ATRNL1: variants seen among roughly 807,000 people sequenced by gnomAD.
The protein encoded by ATRNL1 is attractin-like protein 1.
ATRNL1 carries 95 observed loss-of-function variants against 182.7 expected under a neutral mutation model. That is an observed-to-expected ratio of 0.52 (90% CI 0.44 to 0.62). The LOEUF (loss-of-function observed/expected upper bound fraction) is 0.62. Among genes scored for constraint, ATRNL1 ranks in the 20% least tolerant of loss-of-function variants. The pLI, the probability that ATRNL1 is intolerant of heterozygous loss-of-function variation, is 0.00. For synonymous variants in ATRNL1, 576 were observed against 568.3 expected, an observed-to-expected ratio of 1.01 and a Z score of -0.19; for missense variants, 1,471 against 1,679.5, an observed-to-expected ratio of 0.88 and a Z score of 2.17.
At chr10:115,467,723 A>G (rs1848120097) in intron 23 of ATRNL1, among the ~76,000 whole-genome samples, 1 of 150,768 alleles carries the variant, frequency 6.6e-6, no homozygotes, top group Admixed American at 6.6e-5. Context: ...CAGTGCTCAG[A>G]GGAGTTAAAA....
At chr10:115,848,681 A>G (rs891682246) in intron 28 of ATRNL1, among the ~76,000 whole-genome samples, 1 of 152,186 alleles carries the variant, frequency 6.6e-6, no homozygotes, top group African/African-American at 2.4e-5. Flanking sequence ...AGCATGCTCA[A>G]TGTTGAATAT....
chr10:115,187,670 GTT>G (rs557762991), intron 8 of ATRNL1, among the ~76,000 whole-genome samples: 67 of 111,836 alleles, frequency 6.0e-4, no homozygotes, highest in East Asian at 1.0e-3. Context: ...AGGGTGCTTG[GTT>G]TTTTTTTTTT....
At chr10:115,293,060 A>G (rs1477711505) in intron 15 of ATRNL1, among the ~76,000 whole-genome samples, 2 of 152,048 alleles carry the variant, frequency 1.3e-5, no homozygotes, top group Admixed American at 6.5e-5. Flanking sequence ...GTATATTTAC[A>G]ATTTATAGTC....
chr10:115,463,207 A>G (rs1315535423), intron 22 of ATRNL1, among the ~76,000 whole-genome samples: 2 of 151,706 alleles, frequency 1.3e-5, no homozygotes, highest in Non-Finnish European at 2.9e-5. Flanking sequence ...AATTTCTTAA[A>G]TTTTTCTTTT....
chr10:115,866,477 A>G (rs1191444514), intron 28 of ATRNL1, among the ~76,000 whole-genome samples: 3 of 152,172 alleles, frequency 2.0e-5, no homozygotes, highest in Admixed American at 6.5e-5. Flanking sequence ...TCTTGCAGTA[A>G]CTCTGTAAGG....
intron 26 of ATRNL1, among the ~76,000 whole-genome samples, chr10:115,616,251 CTG>C (rs1446783131): frequency 5.9e-5 from 9 of 152,114 alleles, no homozygotes; most frequent in Admixed American, 5.9e-4. Context: ...TTTAGGTTAT[CTG>C]GTGGAAGAAA....
chr10:115,459,515 C>A (rs529827806), intron 21 of ATRNL1, among the ~76,000 whole-genome samples: 2 of 152,070 alleles, frequency 1.3e-5, no homozygotes, highest in African/African-American at 4.8e-5. Flanking sequence ...TCTCCCATAG[C>A]GCTCCCAGGC....
intron 8 of ATRNL1, among the ~76,000 whole-genome samples, chr10:115,185,576 G>T (rs1360218064): frequency 6.6e-6 from 1 of 151,992 alleles, no homozygotes; most frequent in Non-Finnish European, 1.5e-5. Flanking sequence ...AAGAAGGGAA[G>T]CCTCTACATA....
chr10:115,577,780 G>A (rs1193716158), intron 26 of ATRNL1, among the ~76,000 whole-genome samples: 1 of 151,232 alleles, frequency 6.6e-6, no homozygotes, highest in Non-Finnish European at 1.5e-5. Flanking sequence ...AGTACTATCA[G>A]TACTATGTTT....
At chr10:115,142,968 A>G (rs1554878401) in intron 5 of ATRNL1, among the ~76,000 whole-genome samples, 1 of 152,226 alleles carries the variant, frequency 6.6e-6, no homozygotes, top group Non-Finnish European at 1.5e-5. Context: ...ATGCCAAGTT[A>G]GAGATATCTT....
intron 19 of ATRNL1, among the ~76,000 whole-genome samples, chr10:115,374,453 TTTCCTTCC>T (rs149427595): frequency 0.012 from 1,599 of 135,874 alleles, 11 homozygotes; most frequent in Non-Finnish European, 0.015. Flanking sequence ...CCTTCCTTCC[TTTCCTTCC>T]TTCCTTCCTT....
chr10:115,592,836 G>C (rs782641876), intron 26 of ATRNL1, among the ~76,000 whole-genome samples: 6 of 152,072 alleles, frequency 3.9e-5, no homozygotes, highest in Non-Finnish European at 5.9e-5. Context: ...TTTGATTATA[G>C]TCAGCTACAT....
At chr10:115,363,778 C>G (rs1856875209) in intron 19 of ATRNL1, among the ~76,000 whole-genome samples, 1 of 149,358 alleles carries the variant, frequency 6.7e-6, no homozygotes, top group African/African-American at 2.4e-5. Flanking sequence ...AATAGGGAAT[C>G]CTTTCCCCAT....
chr10:115,247,651 T>C (rs1177044695), intron 10 of ATRNL1, among the ~76,000 whole-genome samples: 2 of 152,140 alleles, frequency 1.3e-5, no homozygotes, highest in African/African-American at 4.8e-5. Context: ...TATTATACGA[T>C]CCAGCAATAC....
At position 115,777,604 on chromosome 10, in the gene ATRNL1, A is replaced by G. The variant is rs564480953; in HGVS notation, c.3903+50249A>G. Among the ~76,000 whole-genome samples the G allele has an allele frequency of 2.6e-5, 4 of 152,308 alleles. No individual in the cohort carries two copies. The East Asian group carries it at 7.7e-4, about 29-fold the overall frequency. On this transcript the variant is annotated intron_variant, in intron 27 of 28. Transcript: ENST00000355044. ...CTAAATTTAAATTTAACTCTAGTTTAACACAAGAAAGAAGAAATCCAGCAT... is the reference window on the plus strand; with the variant it reads ...CTAAATTTAAATTTAACTCTAGTTTGACACAAGAAAGAAGAAATCCAGCAT...
chr10:115,336,843 AT>A (rs1159634964), intron 19 of ATRNL1, among the ~76,000 whole-genome samples: 22 of 149,200 alleles, frequency 1.5e-4, no homozygotes, highest in East Asian at 1.4e-3. Context: ...CAACTGTCTG[AT>A]TTTTTTTTCT....
At chr10:115,769,604 T>A (rs1352059680) in intron 27 of ATRNL1, among the ~76,000 whole-genome samples, 1 of 152,128 alleles carries the variant, frequency 6.6e-6, no homozygotes, top group Admixed American at 6.5e-5. Context: ...TTGAGAAGAT[T>A]GTGTGGAGAG....
chr10:115,430,819 T>A (rs1464646521), intron 21 of ATRNL1, among the ~76,000 whole-genome samples: 1 of 152,198 alleles, frequency 6.6e-6, no homozygotes, highest in East Asian at 1.9e-4. Flanking sequence ...GGGACGTGGG[T>A]GCCGTGGGCA....
At chr10:115,723,370 TTGTA>T (rs1947491794) in intron 26 of ATRNL1, among the ~76,000 whole-genome samples, 1 of 152,012 alleles carries the variant, frequency 6.6e-6, no homozygotes, top group Non-Finnish European at 1.5e-5. Context: ...ATTCAAAGAG[TTGTA>T]TGCCTTGTGG....
Sources: gnomAD v4.1 joint callset for allele counts (sites outside exome capture counted in the v4.1 genomes callset) on GRCh38, gnomAD v4.1.1 for gene constraint, MANE v1.5 for transcripts, NCBI Gene and HGNC (gene_info 2026-07-23, HGNC 2026-07-21) for gene names.